CLIC1: variants seen among roughly 807,000 people sequenced by gnomAD.
CLIC1 encodes the protein CLIC family member 1, also known as chloride intracellular channel protein 1.
In CLIC1, 16 loss-of-function variants were observed where a neutral mutation model predicts 26.4. The ratio of observed to expected loss-of-function variants is 0.61; its 90% CI spans 0.41 to 0.92. The LOEUF (loss-of-function observed/expected upper bound fraction) is 0.92, where lower values mean the gene tolerates loss of function less well. Ranked by LOEUF, CLIC1 falls within the 40% of genes least tolerant of loss-of-function variation. The pLI, the probability that CLIC1 is intolerant of heterozygous loss-of-function variation, is 0.00. For missense variants in CLIC1, 225 were observed against 289.7 expected, an observed-to-expected ratio of 0.78 and a Z score of 1.62; for synonymous variants, 98 against 120.8, an observed-to-expected ratio of 0.81 and a Z score of 1.24.
Position 31,736,388 on chromosome 6 carries a change from C to G in CLIC1, c.-88G>C. ...AAGGCGGGTCTCACACTCAGGGACTCTCTCCCCTAGACCCAGGGCTGTCCC... is the reference window on the plus strand; with the variant it reads ...AAGGCGGGTCTCACACTCAGGGACTGTCTCCCCTAGACCCAGGGCTGTCCC... On this transcript the variant is annotated 5_prime_UTR_variant, in exon 1 of 6. Coordinates refer to ENST00000375784, the Ensembl canonical transcript of CLIC1. The surrounding 1 kb of genome is among the most constrained non-coding windows in gnomAD (Gnocchi z 5.0). The G allele has an allele frequency of 6.2e-7, 1 of 1,606,742 alleles. No individual in the cohort carries two copies. The highest frequency in any genetic ancestry group is 1.1e-5 in the South Asian group (1 of 90,520).
upstream of CLIC1, chr6:31,736,775 T>C (rs1808360206): frequency 1.0e-6 from 1 of 993,888 alleles, no homozygotes; most frequent in Non-Finnish European, 1.2e-6. This position sits in a 1 kb window ranked among gnomAD's most constrained non-coding sequence, Gnocchi z 5.0. Flanking sequence ...CTGACCCTCA[T>C]ATAAAAAACT....
chr6:31,731,462 C>T (rs760829893), intron 5 of CLIC1, among the ~76,000 whole-genome samples: 9 of 152,084 alleles, frequency 5.9e-5, no homozygotes, highest in Admixed American at 2.0e-4. Flanking sequence ...CCACCATGTG[C>T]GGCTAATTTT....
chr6:31,731,722 A>G lies in CLIC1; in HGVS notation c.564+495T>C, dbSNP rs1005451918. Among the ~76,000 whole-genome samples the G allele has an allele frequency of 1.1e-4, 16 of 152,332 alleles. No homozygotes were observed. In the South Asian group the frequency reaches 3.3e-3, roughly 32 times the overall value. ...TTGTGTATCTTTCAATGCTTAGTAC[A>G]CAGATGTTCACTACATAGTTGTGTG... On this transcript the variant is annotated intron_variant, in intron 5 of 5. Transcript: ENST00000375784.
intron 1 of CLIC1, among the ~76,000 whole-genome samples, chr6:31,735,590 G>A (rs1808273545): frequency 6.6e-6 from 1 of 151,868 alleles, no homozygotes; most frequent in Admixed American, 6.6e-5. Flanking sequence ...CCATCCTTGT[G>A]GTAGCTACGT....
chr6:31,733,591 C>A lies in CLIC1; in HGVS notation c.357G>T (p.Lys119Asn). 1.9e-6 allele frequency: 3 copies of A among 1,612,948 alleles called. No homozygotes were observed. The highest frequency in any genetic ancestry group is 2.2e-5 in the East Asian group (1 of 44,886). ...TGTCATTGAGTGCTGGGTTTGAATT[C>A]TTGATGTAGGCAGAAAATTTGGCAA... is the stretch of plus-strand genomic sequence containing the variant. Residue 119 changes from lysine to asparagine, a missense_variant, in exon 4 of 6, where the codon AAG becomes AAT. Lys to Asn is a moderately conservative substitution (Grantham distance 94). Transcript: ENST00000375784. This position sits in a 1 kb window ranked among gnomAD's most constrained non-coding sequence, Gnocchi z 5.4.
Position 31,732,355 on chromosome 6 carries a change from AT to A in CLIC1, c.425del (p.Asn142IlefsTer3). The A allele has an allele frequency of 1.3e-6, 2 of 1,588,600 alleles. No homozygotes were observed. Among genetic ancestry groups the A allele is most frequent in the Non-Finnish European group, 1.7e-6 (2 of 1,167,994 alleles). On this transcript the variant is annotated frameshift_variant, in exon 5 of 6. Coordinates refer to ENST00000375784, the Ensembl canonical transcript of CLIC1. LOFTEE classifies it high-confidence loss of function. This position sits in a 1 kb window ranked among gnomAD's most constrained non-coding sequence, Gnocchi z 5.0. ...CTTCTGGGAGGGGGGATGTTAAGTA[AT>A]TGTCTAAAACCTTCAGGGCTTTCAG...
Position 31,736,151 on chromosome 6 carries a change from T to G in CLIC1, c.39+111A>C. 8 of 1,073,622 alleles carry G rather than the reference T, an allele frequency of 7.5e-6. No homozygotes were observed. The highest frequency in any genetic ancestry group is 1.1e-5 in the Non-Finnish European group (8 of 695,912). The allele number at this position is 1,073,622 out of a possible 1,614,324, so 66.5% of individuals were successfully genotyped here. A position where few individuals can be genotyped will look rare whatever the true frequency, so the allele number is the denominator to read the frequency against. ...CCTCAACCAAAGAGTGCACGTGGGA[T>G]TGGGGGTGGGAGTCAAGGAGGGAAG... On this transcript the variant is annotated intron_variant, in intron 1 of 5. Coordinates refer to ENST00000375784, the Ensembl canonical transcript of CLIC1. The surrounding 1 kb of genome is among the most constrained non-coding windows in gnomAD (Gnocchi z 5.0).
rs1268473904 is a variant in CLIC1 at position 31,733,504 on chromosome 6, T to C, written c.382+62A>G. 2.4e-6 allele frequency: 3 copies of C among 1,226,604 alleles called. No homozygotes were observed. The highest frequency in any genetic ancestry group is 3.6e-6 in the Non-Finnish European group (3 of 832,850). The allele number at this position is 1,226,604 out of a possible 1,614,324, so 76.0% of individuals were successfully genotyped here. On this transcript the variant is annotated intron_variant, in intron 4 of 5. Transcript: ENST00000375784. This position sits in a 1 kb window ranked among gnomAD's most constrained non-coding sequence, Gnocchi z 5.4. ...TGAACGTCCAGGTGCCCCTAATGTC[T>C]CCTACCCGCTGGGTCCTCTCTATTC...
chr6:31,733,154 A>G lies in CLIC1; in HGVS notation c.382+412T>C, dbSNP rs1808093607. Among the ~76,000 whole-genome samples, 1 of 152,062 alleles carries G rather than the reference A, an allele frequency of 6.6e-6. No individual in the cohort carries two copies. The highest frequency in any genetic ancestry group is 1.5e-5 in the Non-Finnish European group (1 of 68,000). On this transcript the variant is annotated intron_variant, in intron 4 of 5. Coordinates refer to ENST00000375784, the Ensembl canonical transcript of CLIC1. This position sits in a 1 kb window ranked among gnomAD's most constrained non-coding sequence, Gnocchi z 5.4. ...GAAAAAAAAAAATTTATATCAACCCATGAAATAGGTATTGTCATCCTAATT... is the reference window on the plus strand; with the variant it reads ...GAAAAAAAAAAATTTATATCAACCCGTGAAATAGGTATTGTCATCCTAATT...
chr6:31,730,629 G>T lies in CLIC1; in HGVS notation c.*213C>A. The stretch of plus-strand genomic sequence containing the variant: ...ATTCTGTATTTTATTACTGAAATAT[G>T]TTGTCCTACTCATCCCACCCCACAA... On this transcript the variant is annotated 3_prime_UTR_variant, in exon 6 of 6. Coordinates refer to ENST00000375784, the Ensembl canonical transcript of CLIC1. The surrounding 1 kb of genome is among the most constrained non-coding windows in gnomAD (Gnocchi z 5.1). 1 of 568,206 alleles carries T rather than the reference G, an allele frequency of 1.8e-6. No individual in the cohort carries two copies. The highest frequency in any genetic ancestry group is 3.1e-6 in the Non-Finnish European group (1 of 317,554). The allele number at this position is 568,206 out of a possible 1,614,324, so 35.2% of individuals were successfully genotyped here.
chr6:31,735,848 C>CA (rs1808296716), intron 1 of CLIC1, among the ~76,000 whole-genome samples: 2 of 151,128 alleles, frequency 1.3e-5, no homozygotes, highest in South Asian at 4.2e-4. Context: ...CACACACACA[C>CA]ACCTCTCCTA....
chr6:31,730,852 G>A lies in CLIC1; in HGVS notation c.716C>T (p.Ala239Val). 6.2e-7 allele frequency: 1 copy of A among 1,613,066 alleles called. No individual in the cohort carries two copies. The highest frequency in any genetic ancestry group is 8.5e-7 in the Non-Finnish European group (1 of 1,180,020). The change falls in exon 6 of 6, where the codon GCC becomes GTC. Residue 239 changes from alanine (A) to valine (V), a missense_variant. Ala to Val is a moderately conservative substitution (Grantham distance 64). Transcript: ENST00000375784. This position sits in a 1 kb window ranked among gnomAD's most constrained non-coding sequence, Gnocchi z 5.1. ...AGTCCCAGGAGGGGCTTATTTGAGG[G>A]CCTTTGCCACTTGCTCATAGGCGAG...
rs1583858355 is a variant in CLIC1, at chr6:31,732,034, C to T, written c.564+183G>A. On this transcript the variant is annotated intron_variant, in intron 5 of 5. Coordinates refer to ENST00000375784, the Ensembl canonical transcript of CLIC1. The surrounding 1 kb of genome is among the most constrained non-coding windows in gnomAD (Gnocchi z 5.0). The stretch of plus-strand genomic sequence containing the variant: ...CATCATGGAATATAATTATCTCAAG[C>T]AGTGGTCTTGTTAGCAATGACTGCT... Among the ~76,000 whole-genome samples, 1 of 152,168 alleles carries T rather than the reference C, an allele frequency of 6.6e-6. No individual in the cohort carries two copies. Among genetic ancestry groups the T allele is most frequent in the East Asian group, 1.9e-4 (1 of 5,200 alleles).
Position 31,730,776 on chromosome 6 carries a change from C to T in CLIC1, c.*66G>A, listed in dbSNP as rs2151312460. The T allele has an allele frequency of 1.3e-6, 2 of 1,558,008 alleles. No homozygotes were observed. Among genetic ancestry groups the T allele is most frequent in the Non-Finnish European group, 1.8e-6 (2 of 1,135,176 alleles). On this transcript the variant is annotated 3_prime_UTR_variant, in exon 6 of 6. Coordinates refer to ENST00000375784, the Ensembl canonical transcript of CLIC1. This position sits in a 1 kb window ranked among gnomAD's most constrained non-coding sequence, Gnocchi z 5.1. Reference sequence around the variant, plus strand: ...ATTTTGGAGTGTGTCCATTGGGTAGCAATGTGGAAACCACCAGGGCCTTTG... The same window carrying T: ...ATTTTGGAGTGTGTCCATTGGGTAGTAATGTGGAAACCACCAGGGCCTTTG...
At chr6:31,737,176 C>T (rs1257845069), upstream of CLIC1, 2 of 153,864 alleles carry the variant, frequency 1.3e-5, no homozygotes, top group Non-Finnish European at 2.9e-5. Flanking sequence ...GTAATCCCAA[C>T]ACTTTAGGAG....
intron 5 of CLIC1, among the ~76,000 whole-genome samples, chr6:31,731,718 G>GT (rs1352611856): frequency 6.6e-6 from 1 of 152,218 alleles, no homozygotes; most frequent in Admixed American, 6.5e-5. Flanking sequence ...TCAATGCTTA[G>GT]TACACAGATG....
At chr6:31,737,024 T>G (rs558199957), upstream of CLIC1, 8 of 873,952 alleles carry the variant, frequency 9.2e-6, no homozygotes, top group Non-Finnish European at 1.1e-5. Context: ...CTGCCCAGAC[T>G]GGTGTCTCAG....
chr6:31,733,416 A>C lies in CLIC1; in HGVS notation c.382+150T>G, dbSNP rs1808111335. 1.6e-6 allele frequency: 1 copy of C among 630,664 alleles called. No individual in the cohort carries two copies. 39.1% of individuals were successfully genotyped at this position (630,664 alleles called of 1,614,324 possible). On this transcript the variant is annotated intron_variant, in intron 4 of 5. Transcript: ENST00000375784. This position sits in a 1 kb window ranked among gnomAD's most constrained non-coding sequence, Gnocchi z 5.4. ...CCAATGAAAATGCAGGGAAATATAG[A>C]GGTAAAGCAAAAATGGGAAGCTGGG...
intron 1 of CLIC1, among the ~76,000 whole-genome samples, chr6:31,735,807 CCACACACACACACA>C (rs9281564): frequency 9.6e-5 from 12 of 124,978 alleles, no homozygotes; most frequent in South Asian, 3.0e-4. Flanking sequence ...GCGTCTCCAT[CCACACACACACACA>C]CACACACACA....
Sources: gnomAD v4.1 joint callset for allele counts (sites outside exome capture counted in the v4.1 genomes callset) on GRCh38, gnomAD v4.1.1 for gene constraint, Gnocchi (gnomAD v3.1) non-coding constraint, MANE v1.5 for transcripts, NCBI Gene and HGNC (gene_info 2026-07-23, HGNC 2026-07-21) for gene names.